Variants in CRACDL observed in about 807,000 individuals in gnomAD.
CRACDL encodes CRACD-like protein.
CRACDL carries 26 observed loss-of-function variants against 70.6 expected under a neutral mutation model. That is an observed-to-expected ratio of 0.37 (90% CI 0.27 to 0.51). The LOEUF (loss-of-function observed/expected upper bound fraction) is 0.51. CRACDL is among the 20% of genes least tolerant of loss of function. The probability of loss-of-function intolerance (pLI) is 0.94; values close to 1 mark genes in which losing one functional copy is unlikely to be tolerated. For synonymous variants in CRACDL, 618 were observed against 615.2 expected (o/e 1.00, Z -0.07); for missense variants, 1,283 against 1,376.9 (o/e 0.93, Z 1.08).
chr2:98,848,222 A>G (rs1559231950), intron 1 of CRACDL, among the ~76,000 whole-genome samples: 1 of 152,202 alleles, frequency 6.6e-6, no homozygotes, highest in East Asian at 1.9e-4. Flanking sequence ...AGACAATGCT[A>G]TCAAACAGCA....
chr2:98,850,600 G>C (rs1279397996), intron 1 of CRACDL, among the ~76,000 whole-genome samples: 2 of 152,190 alleles, frequency 1.3e-5, no homozygotes, highest in Non-Finnish European at 2.9e-5. Context: ...CACTCCTGGA[G>C]TTCTGAGAGC....
At chr2:98,838,421 CT>C in intron 2 of CRACDL, 134 bp from the exon 3 acceptor site, 1 of 532,806 alleles carries the variant, frequency 1.9e-6, no homozygotes, top group Non-Finnish European at 3.2e-6. Flanking sequence ...CTGAAAAGTC[CT>C]TTTACTTCGC....
intron 1 of CRACDL, among the ~76,000 whole-genome samples, chr2:98,873,000 A>G (rs1707389945): frequency 6.6e-6 from 1 of 152,230 alleles, no homozygotes; most frequent in South Asian, 2.1e-4. Flanking sequence ...TCTTTTAAAG[A>G]CAAGGCAGTG....
chr2:98,910,681 G>A (rs1276151973), intron 1 of CRACDL, among the ~76,000 whole-genome samples: 1 of 152,192 alleles, frequency 6.6e-6, no homozygotes, highest in Non-Finnish European at 1.5e-5. Context: ...CGAGAGAGTG[G>A]GAGTTGGAGT....
chr2:98,933,164 C>T (rs554439665), intron 1 of CRACDL, among the ~76,000 whole-genome samples: 1 of 152,184 alleles, frequency 6.6e-6, no homozygotes, highest in Non-Finnish European at 1.5e-5. Flanking sequence ...CTGTGGCTCA[C>T]CCTGGGGACA....
chr2:98,876,663 C>G (rs930998951), intron 1 of CRACDL, among the ~76,000 whole-genome samples: 1 of 152,152 alleles, frequency 6.6e-6, no homozygotes, highest in Non-Finnish European at 1.5e-5. Context: ...ATCTCTGGTG[C>G]CAAAAAGATT....
chr2:98,807,049 G>A (rs1704335209), intron 7 of CRACDL, among the ~76,000 whole-genome samples: 1 of 152,156 alleles, frequency 6.6e-6, no homozygotes, highest in African/African-American at 2.4e-5. Context: ...TGTCTTCAGA[G>A]CAGTATCATA....
intron 1 of CRACDL, among the ~76,000 whole-genome samples, chr2:98,854,580 A>C (rs551372667): frequency 1.3e-5 from 2 of 152,298 alleles, no homozygotes; most frequent in East Asian, 3.9e-4. Flanking sequence ...TATCTTACAA[A>C]AATAAAACCA....
At chr2:98,877,949 CTTT>C (rs35403434) in intron 1 of CRACDL, among the ~76,000 whole-genome samples, 1 of 138,416 alleles carries the variant, frequency 7.2e-6, no homozygotes, top group Non-Finnish European at 1.5e-5. Flanking sequence ...CATTTTTAAT[CTTT>C]TTTTTTTTTT....
At chr2:98,886,145 A>T (rs1344778993) in intron 1 of CRACDL, among the ~76,000 whole-genome samples, 1 of 152,212 alleles carries the variant, frequency 6.6e-6, no homozygotes, top group African/African-American at 2.4e-5. Flanking sequence ...AGCTGCTGGA[A>T]GGGGACAACT....
At chr2:98,859,170 C>T (rs1412963677) in intron 1 of CRACDL, among the ~76,000 whole-genome samples, 1 of 152,134 alleles carries the variant, frequency 6.6e-6, no homozygotes, top group Non-Finnish European at 1.5e-5. Context: ...AACCCAAAGA[C>T]ATCACAATAA....
intron 1 of CRACDL, among the ~76,000 whole-genome samples, chr2:98,882,412 G>A (rs1444650437): frequency 6.6e-6 from 1 of 152,262 alleles, no homozygotes; most frequent in Non-Finnish European, 1.5e-5. Context: ...ACAGGTATGT[G>A]ACTGGTTTCA....
intron 5 of CRACDL, among the ~76,000 whole-genome samples, chr2:98,827,497 G>A (rs541775642): frequency 1.4e-4 from 22 of 152,258 alleles, no homozygotes; most frequent in South Asian, 1.2e-3. Context: ...TCACCATGTT[G>A]GCCAGGCTGG....
intron 1 of CRACDL, among the ~76,000 whole-genome samples, chr2:98,866,777 G>A (rs1707164981): frequency 6.6e-6 from 1 of 151,870 alleles, no homozygotes; most frequent in Non-Finnish European, 1.5e-5. Context: ...ACAGGTGTGA[G>A]CCACCGTGAC....
At chr2:98,878,997 T>C (rs142449990) in intron 1 of CRACDL, among the ~76,000 whole-genome samples, 235 of 152,296 alleles carry the variant, frequency 1.5e-3, no homozygotes, top group African/African-American at 5.3e-3. Context: ...CCTGGCCCAG[T>C]GCACCTCACC....
chr2:98,819,733 G>C (rs958892817), intron 7 of CRACDL, among the ~76,000 whole-genome samples: 1 of 152,018 alleles, frequency 6.6e-6, no homozygotes, highest in Non-Finnish European at 1.5e-5. Context: ...CTTCCTCTTA[G>C]GGTGCAGGAT....
At chr2:98,845,040 T>C (rs1706193342) in intron 2 of CRACDL, among the ~76,000 whole-genome samples, 1 of 152,210 alleles carries the variant, frequency 6.6e-6, no homozygotes, top group South Asian at 2.1e-4. Context: ...GCCTACATTA[T>C]ACAGGCCTTG....
chr2:98,822,889 T>C lies in CRACDL; in HGVS notation c.1384A>G (p.Arg462Gly), dbSNP rs765415290. Residue 462 changes from arginine (R) to glycine (G), a missense_variant, in exon 7 of 10, where the codon AGA becomes GGA. By Grantham distance (125) the Arg-to-Gly change is moderately radical. Around this residue, in one of 2 missense-constraint regions of CRACDL, gnomAD observed 921 missense variants for 881.9 expected, o/e 1.04. Transcript: ENST00000397899. The surrounding 1 kb of genome is among the most constrained non-coding windows in gnomAD (Gnocchi z 4.9). ...GPPGPAPEPE[R>G]EAETEPERGA... is the part of the protein sequence containing the mutation. ...CTCTCGGGCTCCGTCTCCGCTTCTC[T>C]CTCGGGCTCAGGCGCCGGCCCTGGG... is the stretch of plus-strand genomic sequence containing the variant. 6.8e-7 allele frequency: 1 copy of C among 1,473,172 alleles called. No homozygotes were observed. The highest frequency in any genetic ancestry group is 8.9e-7 in the Non-Finnish European group (1 of 1,123,038). 91.3% of individuals were successfully genotyped at this position (1,473,172 alleles called of 1,614,324 possible).
intron 1 of CRACDL, among the ~76,000 whole-genome samples, chr2:98,877,600 T>TAC (rs1707518193): frequency 6.6e-6 from 1 of 151,682 alleles, no homozygotes; most frequent in Non-Finnish European, 1.5e-5. Context: ...TACAAAAAAA[T>TAC]TAGCCGGGTA....
Sources: gnomAD v4.1 joint callset for allele counts (sites outside exome capture counted in the v4.1 genomes callset) on GRCh38, gnomAD v4.1.1 for gene constraint, gnomAD v4.1.1 regional missense constraint, Gnocchi (gnomAD v3.1) non-coding constraint, MANE v1.5 for transcripts, NCBI Gene and HGNC (gene_info 2026-07-23, HGNC 2026-07-21) for gene names.